Variants in BRIP1 observed in about 807,000 individuals in gnomAD.
The protein encoded by BRIP1 is BRCA1 interacting DNA helicase 1, also known as Fanconi anemia group J protein.
Under a neutral mutation model 119.7 loss-of-function variants are expected in BRIP1, and 88 were observed. The observed-to-expected ratio is 0.74, with a 90% confidence interval of 0.62 to 0.88. The LOEUF is 0.88. Among genes scored for constraint, BRIP1 ranks in the 40% least tolerant of loss-of-function variants. The pLI is 0.00. For missense variants in BRIP1, 1,259 were observed against 1,455.4 expected (o/e 0.87, Z 2.20); for synonymous variants, 443 against 496.5 (o/e 0.89, Z 1.43).
At position 61,748,254 on chromosome 17, in the gene BRIP1, G is replaced by A. The variant is rs374884273; in HGVS notation, c.2098-3663C>T. ...GATCTAGGTTATATGCTCCTTATGA[G>A]AATCTAATGCCTGATGATCTGAGGT... On this transcript the variant is annotated intron_variant, in intron 14 of 19. Coordinates refer to ENST00000259008, the MANE Select transcript of BRIP1 (RefSeq NM_032043.3). The surrounding 1 kb of genome is among the most constrained non-coding windows in gnomAD (Gnocchi z 4.7). Among the ~76,000 whole-genome samples, 53 of 152,234 alleles carry A rather than the reference G, an allele frequency of 3.5e-4. No individual in the cohort carries two copies. Among genetic ancestry groups the A allele is most frequent in the African/African-American group, 1.3e-3 (52 of 41,526 alleles).
rs2145246758 is a variant in BRIP1, at chr17:61,793,773, C to T, written c.1341-44G>A. 2 of 1,585,314 alleles carry T rather than the reference C, an allele frequency of 1.3e-6. No individual in the cohort carries two copies. Among genetic ancestry groups the T allele is most frequent in the East Asian group, 2.2e-5 (1 of 44,554 alleles). ...ATTGTGTCAACCAGTATCATCCTTA[C>T]ACACACTATTTCAGCAGAACAAGAG... On this transcript the variant is annotated intron_variant, in intron 9 of 19. Coordinates refer to ENST00000259008, the MANE Select transcript of BRIP1 (RefSeq NM_032043.3). This position sits in a 1 kb window ranked among gnomAD's most constrained non-coding sequence, Gnocchi z 5.2.
rs765004556 is a variant in BRIP1 at position 61,841,693 on chromosome 17, CCTA to C, written c.627+5405_627+5407del. On this transcript the variant is annotated intron_variant, in intron 6 of 19. Transcript: ENST00000259008. The surrounding 1 kb of genome is among the most constrained non-coding windows in gnomAD (Gnocchi z 4.1). ...CCATATAATCATATAATCCAGCAAT[CCTA>C]CTACTATTTATCCAAAGGAAAGAAA... Among the ~76,000 whole-genome samples the C allele has an allele frequency of 6.6e-5, 10 of 152,112 alleles. No homozygotes were observed. The highest frequency in any genetic ancestry group is 2.6e-4 in the Admixed American group (4 of 15,264).
rs375080264 is a variant in BRIP1, at chr17:61,826,096, T to C, written c.628-17339A>G. 5.9e-5 allele frequency among the ~76,000 whole-genome samples: 9 copies of C among 151,974 alleles called. No homozygotes were observed. The East Asian group carries it at 1.7e-3, about 29-fold the overall frequency. ...CAGAATAGAGAGCCCAGAAATAAGG[T>C]CACACCTACAACTATCTGATCTTGA... On this transcript the variant is annotated intron_variant, in intron 6 of 19. Transcript: ENST00000259008.
chr17:61,790,314 G>C (rs190428859), intron 10 of BRIP1, among the ~76,000 whole-genome samples: 1 of 152,270 alleles, frequency 6.6e-6, no homozygotes, highest in Admixed American at 6.5e-5. Context: ...GGAGGCCATG[G>C]TGGGCGGATC....
intron 17 of BRIP1, among the ~76,000 whole-genome samples, chr17:61,712,479 G>T (rs1052196616): frequency 1.8e-4 from 27 of 152,072 alleles, no homozygotes; most frequent in African/African-American, 6.3e-4. Flanking sequence ...CTACCAAAGG[G>T]CTGGGATTAC....
Position 61,831,391 on chromosome 17 carries a change from C to A in BRIP1, c.627+15710G>T, listed in dbSNP as rs377249230. Among the ~76,000 whole-genome samples, 2 of 152,278 alleles carry A rather than the reference C, an allele frequency of 1.3e-5. No homozygotes were observed. The highest frequency in any genetic ancestry group is 3.9e-4 in the East Asian group (2 of 5,194). ...CAACTAGAACCAATAAGTGATATAA[C>A]AAGTTGCAGGTTACAGGGTAAATAT... On this transcript the variant is annotated intron_variant, in intron 6 of 19. Coordinates refer to ENST00000259008, the MANE Select transcript of BRIP1 (RefSeq NM_032043.3). This position sits in a 1 kb window ranked among gnomAD's most constrained non-coding sequence, Gnocchi z 4.1.
At chr17:61,818,201 G>C (rs555429847) in intron 6 of BRIP1, among the ~76,000 whole-genome samples, 4 of 149,578 alleles carry the variant, frequency 2.7e-5, no homozygotes, top group African/African-American at 1.0e-4. Context: ...AAGGGGGGAG[G>C]GGGGGGAAAG....
chr17:61,778,729 G>A lies in BRIP1; in HGVS notation c.1935+1532C>T, dbSNP rs1368903549. The stretch of plus-strand genomic sequence containing the variant: ...AAAGCAACTTGAAAACGTGGAACAT[G>A]TATTCTTCCTTCACTGCTGTTCATA... On this transcript the variant is annotated intron_variant, in intron 13 of 19. Coordinates refer to ENST00000259008, the MANE Select transcript of BRIP1 (RefSeq NM_032043.3). The surrounding 1 kb of genome is among the most constrained non-coding windows in gnomAD (Gnocchi z 4.4). 6.6e-6 allele frequency among the ~76,000 whole-genome samples: 1 copy of A among 152,148 alleles called. No homozygotes were observed. The highest frequency in any genetic ancestry group is 1.5e-5 in the Non-Finnish European group (1 of 68,018).
At position 61,751,913 on chromosome 17, in the gene BRIP1, C is replaced by T. The variant is rs913085711; in HGVS notation, c.2098-7322G>A. Among the ~76,000 whole-genome samples, 2 of 151,966 alleles carry T rather than the reference C, an allele frequency of 1.3e-5. No homozygotes were observed. Among genetic ancestry groups the T allele is most frequent in the African/African-American group, 2.4e-5 (1 of 41,376 alleles). On this transcript the variant is annotated intron_variant, in intron 14 of 19. Transcript: ENST00000259008. This position sits in a 1 kb window ranked among gnomAD's most constrained non-coding sequence, Gnocchi z 6.7. ...CCTCCTGAGTAGCTGGGACTACAGG[C>T]GGACACCACCACACCTGACTAATTT...
chr17:61,750,746 C>G (rs1319336067), intron 14 of BRIP1, among the ~76,000 whole-genome samples: 1 of 149,670 alleles, frequency 6.7e-6, no homozygotes, highest in Non-Finnish European at 1.5e-5. Context: ...TGAAAAGATG[C>G]TCAACATCCT....
rs917870426 is a variant in BRIP1, at chr17:61,789,336, G to A, written c.1473+4261C>T. On this transcript the variant is annotated intron_variant, in intron 10 of 19. Transcript: ENST00000259008. The surrounding 1 kb of genome is among the most constrained non-coding windows in gnomAD (Gnocchi z 4.8). Reference sequence around the variant, plus strand: ...AAAAGAAAAATAGGTAGCAGAGGTAGCATTACAAATTAGAGGGAAATTAAT... The same window carrying A: ...AAAAGAAAAATAGGTAGCAGAGGTAACATTACAAATTAGAGGGAAATTAAT... 1.3e-5 allele frequency among the ~76,000 whole-genome samples: 2 copies of A among 151,632 alleles called. No individual in the cohort carries two copies. The highest frequency in any genetic ancestry group is 2.9e-5 in the Non-Finnish European group (2 of 67,934).
chr17:61,732,753 G>C (rs546376351), intron 16 of BRIP1, among the ~76,000 whole-genome samples: 2 of 151,708 alleles, frequency 1.3e-5, no homozygotes, highest in Non-Finnish European at 2.9e-5. Context: ...GTGCAGTGGC[G>C]CAATTTCAGC....
intron 14 of BRIP1, among the ~76,000 whole-genome samples, chr17:61,772,438 GTTC>G (rs2077469876): frequency 6.6e-6 from 1 of 151,792 alleles, no homozygotes; most frequent in Admixed American, 6.6e-5. Flanking sequence ...TGGGAACAGA[GTTC>G]TTATTTGGTA....
chr17:61,826,386 T>C (rs896183914), intron 6 of BRIP1, among the ~76,000 whole-genome samples: 5 of 151,864 alleles, frequency 3.3e-5, no homozygotes, highest in Admixed American at 6.6e-5. Context: ...AAAGCAAAAA[T>C]TGACAAATGA....
rs748008904 is a variant in BRIP1, at chr17:61,772,675, G to A, written c.2097+3726C>T. Among the ~76,000 whole-genome samples the A allele has an allele frequency of 1.2e-4, 18 of 151,922 alleles. No individual in the cohort carries two copies. The South Asian group carries it at 2.1e-3, about 18-fold the overall frequency. On this transcript the variant is annotated intron_variant, in intron 14 of 19. Transcript: ENST00000259008. ...CTCTACTAAAAATACAAAATTAGCC[G>A]GGTGTGGTGGCACATGACTGCAATC...
In BRIP1 at chr17:61,789,352, G is replaced by A. The variant is rs2077781633; in HGVS notation, c.1473+4245C>T. On this transcript the variant is annotated intron_variant, in intron 10 of 19. Transcript: ENST00000259008. The surrounding 1 kb of genome is among the most constrained non-coding windows in gnomAD (Gnocchi z 4.8). ...GCAGAGGTAGCATTACAAATTAGAG[G>A]GAAATTAATATGCACTATTTAGGAA... 6.6e-6 allele frequency among the ~76,000 whole-genome samples: 1 copy of A among 151,634 alleles called. No individual in the cohort carries two copies. The highest frequency in any genetic ancestry group is 2.4e-5 in the African/African-American group (1 of 41,260).
Position 61,686,212 on chromosome 17 carries a change from A to G in BRIP1, c.2576-47T>C. 6.6e-7 allele frequency: 1 copy of G among 1,513,892 alleles called. No homozygotes were observed. Among genetic ancestry groups the G allele is most frequent in the Admixed American group, 1.7e-5 (1 of 59,750 alleles). 93.8% of individuals were successfully genotyped at this position (1,513,892 alleles called of 1,614,324 possible). On this transcript the variant is annotated intron_variant, in intron 18 of 19. Transcript: ENST00000259008. This position sits in a 1 kb window ranked among gnomAD's most constrained non-coding sequence, Gnocchi z 5.4. ...GGGAAAATTTGGTTACTTAGTTATT[A>G]AAATATTACATGCTAAGGTAATACA...
Position 61,783,475 on chromosome 17 carries a change from T to G in BRIP1, c.1628+795A>C, listed in dbSNP as rs1282488435. On this transcript the variant is annotated intron_variant, in intron 11 of 19. Coordinates refer to ENST00000259008, the MANE Select transcript of BRIP1 (RefSeq NM_032043.3). ...AAAAATTTCTGGAAATCTCTGGAAA[T>G]GAGTACAATGTACAACATTGCAAAT... Among the ~76,000 whole-genome samples the G allele has an allele frequency of 6.6e-5, 10 of 152,274 alleles. No homozygotes were observed. The East Asian group carries it at 1.9e-3, about 29-fold the overall frequency.
rs1342519012 is a variant in BRIP1, at chr17:61,683,973, AC to A, written c.3072del (p.Ser1025HisfsTer34). ...GKIPKATPEL[G>X]SSENSASSPP... ...GGACTAGAGGCACTATTCTCTGATG[AC>A]CCGAGCTCAGGTGTTGCCTTCGGTA... On this transcript the variant is annotated frameshift_variant, in exon 20 of 20. Transcript: ENST00000259008. LOFTEE classifies it low-confidence loss of function (END_TRUNC). This position sits in a 1 kb window ranked among gnomAD's most constrained non-coding sequence, Gnocchi z 4.7. The A allele has an allele frequency of 4.3e-6, 7 of 1,614,148 alleles. No homozygotes were observed. The East Asian group carries it at 6.7e-5, about 15-fold the overall frequency.
Sources: allele counts gnomAD v4.1 joint callset (sites outside exome capture counted in the v4.1 genomes callset), GRCh38; gene constraint gnomAD v4.1.1; non-coding constraint Gnocchi (gnomAD v3.1); transcripts MANE v1.5; gene names NCBI Gene and HGNC (gene_info 2026-07-23, HGNC 2026-07-21).